Variants in EFNA5 observed in about 807,000 individuals in gnomAD.
The protein encoded by EFNA5 is ephrin-A5.
In EFNA5, 5 loss-of-function variants were observed where a neutral mutation model predicts 22.9. That is an observed-to-expected ratio of 0.22 (90% CI 0.11 to 0.46). The LOEUF (loss-of-function observed/expected upper bound fraction) is 0.46. EFNA5 is among the 20% of genes least tolerant of loss of function. EFNA5 has a pLI of 0.99. For missense variants in EFNA5, 237 were observed against 293.3 expected (o/e 0.81, Z 1.40); for synonymous variants, 113 against 112.2 (o/e 1.01, Z -0.04).
At chr5:107,666,256 AT>A (rs1438391827) in intron 1 of EFNA5, among the ~76,000 whole-genome samples, 1 of 151,950 alleles carries the variant, frequency 6.6e-6, no homozygotes, top group Admixed American at 6.6e-5. Context: ...GATGGCTCAG[AT>A]TTTTTTTAAA....
chr5:107,504,627 T>C (rs32005), intron 1 of EFNA5, among the ~76,000 whole-genome samples: 11,969 of 152,166 alleles, frequency 0.079, 1,020 homozygotes, highest in African/African-American at 0.19. Flanking sequence ...GGGCAAATCA[T>C]TTAACTGCTC....
At chr5:107,450,154 G>A (rs984313524) in intron 1 of EFNA5, among the ~76,000 whole-genome samples, 2 of 152,206 alleles carry the variant, frequency 1.3e-5, no homozygotes, top group African/African-American at 4.8e-5. Flanking sequence ...GAAGGAAGGA[G>A]GGGAGTTGTG....
chr5:107,609,095 G>GA (rs1270362971), intron 1 of EFNA5, among the ~76,000 whole-genome samples: 6 of 151,870 alleles, frequency 4.0e-5, no homozygotes, highest in African/African-American at 1.2e-4. Flanking sequence ...ATTTATAAAA[G>GA]AAAAAATCTC....
chr5:107,670,405 G>C, intron 1 of EFNA5, 84 bp downstream of exon 1: 1 of 1,440,348 alleles, frequency 6.9e-7, no homozygotes, highest in Non-Finnish European at 9.1e-7. Context: ...GCCAGCGGTT[G>C]GTGCGCGCCG....
intron 1 of EFNA5, among the ~76,000 whole-genome samples, chr5:107,590,314 T>C (rs1749290925): frequency 6.6e-6 from 1 of 152,150 alleles, no homozygotes; most frequent in Non-Finnish European, 1.5e-5. Context: ...TTGGAATGCT[T>C]CCAAAGCAGT....
intron 1 of EFNA5, among the ~76,000 whole-genome samples, chr5:107,584,903 G>A (rs980399366): frequency 3.3e-5 from 5 of 152,288 alleles, no homozygotes; most frequent in Middle Eastern, 3.4e-3. Context: ...CAGAAGTGGC[G>A]GTGATGGTGG....
intron 1 of EFNA5, among the ~76,000 whole-genome samples, chr5:107,464,034 T>C (rs1749907450): frequency 6.6e-6 from 1 of 152,062 alleles, no homozygotes; most frequent in Non-Finnish European, 1.5e-5. Flanking sequence ...CCAGGAGAGC[T>C]TTTGGGAAGT....
chr5:107,392,255 T>C (rs1747809677), intron 2 of EFNA5, among the ~76,000 whole-genome samples: 2 of 152,134 alleles, frequency 1.3e-5, no homozygotes, highest in Admixed American at 1.3e-4. Flanking sequence ...CGACTGAACC[T>C]ATTAACTTGC....
intron 1 of EFNA5, among the ~76,000 whole-genome samples, chr5:107,438,396 G>A (rs1372042981): frequency 6.6e-6 from 1 of 152,182 alleles, no homozygotes; most frequent in Non-Finnish European, 1.5e-5. Context: ...CACATTGGCA[G>A]AAACATCCAA....
At chr5:107,540,700 C>G (rs748892574) in intron 1 of EFNA5, among the ~76,000 whole-genome samples, 2 of 152,116 alleles carry the variant, frequency 1.3e-5, no homozygotes, top group Admixed American at 1.3e-4. Flanking sequence ...ATTCAATATA[C>G]TTATACTTTA....
chr5:107,536,766 A>C (rs182482255), intron 1 of EFNA5, among the ~76,000 whole-genome samples: 1 of 152,328 alleles, frequency 6.6e-6, no homozygotes. Flanking sequence ...TTGGAGACAC[A>C]GGGAACACAC....
intron 1 of EFNA5, among the ~76,000 whole-genome samples, chr5:107,623,093 A>T (rs900904800): frequency 2.7e-5 from 4 of 149,544 alleles, no homozygotes; most frequent in African/African-American, 9.9e-5. Flanking sequence ...CCCAGAACTG[A>T]CTAAATGCAA....
At position 107,600,115 on chromosome 5, in the gene EFNA5, C is replaced by T. The variant is rs924103378; in HGVS notation, c.125+70374G>A. Among the ~76,000 whole-genome samples the T allele has an allele frequency of 8.5e-5, 13 of 152,226 alleles. No homozygotes were observed. In the East Asian group the frequency reaches 1.5e-3, roughly 18 times the overall value. Reference sequence around the variant, plus strand: ...GATATTGAATATGACTGATCAGTGCCATTTTGGGTTAATCACAGGCTACTT... The same window carrying T: ...GATATTGAATATGACTGATCAGTGCTATTTTGGGTTAATCACAGGCTACTT... On this transcript the variant is annotated intron_variant, in intron 1 of 4. Coordinates refer to ENST00000333274, the MANE Select transcript of EFNA5 (RefSeq NM_001962.3).
chr5:107,547,155 T>C (rs994946049), intron 1 of EFNA5, among the ~76,000 whole-genome samples: 2 of 152,196 alleles, frequency 1.3e-5, no homozygotes, highest in East Asian at 1.9e-4. Context: ...ACTGTACACA[T>C]GGATCATGGA....
At chr5:107,481,905 A>G (rs925610207) in intron 1 of EFNA5, among the ~76,000 whole-genome samples, 4 of 152,142 alleles carry the variant, frequency 2.6e-5, no homozygotes, top group Admixed American at 6.6e-5. Context: ...CAGGGTTACA[A>G]TAAGGTCTCA....
At chr5:107,570,663 G>T (rs918957520) in intron 1 of EFNA5, among the ~76,000 whole-genome samples, 2 of 151,250 alleles carry the variant, frequency 1.3e-5, no homozygotes, top group African/African-American at 4.9e-5. Context: ...GGGTGGGGGC[G>T]GGCAGGTATT....
chr5:107,537,053 C>T (rs1247297264), intron 1 of EFNA5, among the ~76,000 whole-genome samples: 1 of 142,110 alleles, frequency 7.0e-6, no homozygotes, highest in Non-Finnish European at 1.5e-5. Context: ...TGCAGTGAGC[C>T]GACATCGTGC....
At chr5:107,578,489 A>G (rs1262096924) in intron 1 of EFNA5, among the ~76,000 whole-genome samples, 5 of 152,180 alleles carry the variant, frequency 3.3e-5, no homozygotes, top group Non-Finnish European at 7.4e-5. Context: ...TCAGTAGAGG[A>G]AAAAAAGTGA....
At chr5:107,444,422 T>C (rs980765405) in intron 1 of EFNA5, among the ~76,000 whole-genome samples, 2 of 152,284 alleles carry the variant, frequency 1.3e-5, no homozygotes, top group Admixed American at 6.5e-5. Flanking sequence ...GATTTTTACA[T>C]GCTCTTGCAT....
Sources: gnomAD v4.1 joint callset for allele counts (sites outside exome capture counted in the v4.1 genomes callset) on GRCh38, gnomAD v4.1.1 for gene constraint, MANE v1.5 for transcripts, NCBI Gene and HGNC (gene_info 2026-07-23, HGNC 2026-07-21) for gene names.